Variants in CAV1 observed in about 807,000 individuals in gnomAD.
CAV1 encodes caveolin-1.
In CAV1, 10 loss-of-function variants were observed where a neutral mutation model predicts 16.5. The observed-to-expected ratio is 0.61, with a 90% confidence interval of 0.37 to 1.03. The LOEUF is 1.03. Ranked by LOEUF, CAV1 falls within the 50% of genes least tolerant of loss-of-function variation. The probability of loss-of-function intolerance (pLI) is 0.01; values close to 1 mark genes in which losing one functional copy is unlikely to be tolerated. For missense variants in CAV1, 212 were observed against 232.8 expected (o/e 0.91, Z 0.58); for synonymous variants, 76 against 85.1 (o/e 0.89, Z 0.59).
intron 1 of CAV1, chr7:116,525,878 T>C (rs903882493): frequency 1.0e-6 from 1 of 975,884 alleles, no homozygotes; most frequent in Non-Finnish European, 1.2e-6. Context: ...TTCGGGATTG[T>C]GATCATCACG....
intron 1 of CAV1, chr7:116,525,764 A>C: frequency 9.5e-7 from 1 of 1,054,956 alleles, no homozygotes; most frequent in Admixed American, 5.0e-5. Flanking sequence ...ACCCGCCCGC[A>C]GCCTGGGAGT....
intron 2 of CAV1, among the ~76,000 whole-genome samples, chr7:116,544,100 G>C (rs187772166): frequency 3.6e-4 from 55 of 152,166 alleles, no homozygotes; most frequent in African/African-American, 1.2e-3. Flanking sequence ...TCATCTCCAC[G>C]GGCAGAGCTA....
Position 116,526,895 on chromosome 7 carries a change from C to T in CAV1, c.195+206C>T, listed in dbSNP as rs1793576432. Reference sequence around the variant, plus strand: ...GTTACATCTCCCTTCCCCCATCTCCCCCCAATAGTTAGTTCAGCTGAAATT... The same window carrying T: ...GTTACATCTCCCTTCCCCCATCTCCTCCCAATAGTTAGTTCAGCTGAAATT... On this transcript the variant is annotated intron_variant, in intron 2 of 2. Coordinates refer to ENST00000341049, the MANE Select transcript of CAV1 (RefSeq NM_001753.5). 4.8e-6 allele frequency: 3 copies of T among 619,982 alleles called. No homozygotes were observed. In the Admixed American group the frequency reaches 7.5e-5, roughly 15 times the overall value. The allele number at this position is 619,982 out of a possible 1,614,324, so 38.4% of individuals were successfully genotyped here.
intron 2 of CAV1, among the ~76,000 whole-genome samples, chr7:116,546,364 G>T (rs188120086): frequency 6.6e-6 from 1 of 152,048 alleles, no homozygotes; most frequent in African/African-American, 2.4e-5. Flanking sequence ...TCTGCAGTGC[G>T]GTTTTAGATT....
intron 2 of CAV1, among the ~76,000 whole-genome samples, chr7:116,541,452 T>TA (rs1400821261): frequency 6.6e-6 from 1 of 152,088 alleles, no homozygotes; most frequent in African/African-American, 2.4e-5. Flanking sequence ...GCTTTTTATT[T>TA]AAAAAAGTGT....
intron 2 of CAV1, among the ~76,000 whole-genome samples, chr7:116,555,602 A>AAGAGAGAGAG (rs780499290): frequency 6.0e-5 from 5 of 83,766 alleles, no homozygotes; most frequent in African/African-American, 1.5e-4. Context: ...GAAAGAAAGA[A>AAGAGAGAGAG]AGAGAAAGAA....
intron 2 of CAV1, among the ~76,000 whole-genome samples, chr7:116,539,664 T>C (rs1177332691): frequency 6.6e-6 from 1 of 152,184 alleles, no homozygotes; most frequent in Non-Finnish European, 1.5e-5. Context: ...ATTTAGACTT[T>C]TTTTTTAAGT....
In CAV1 at chr7:116,559,485, A is replaced by G; in HGVS notation, c.*198A>G. On this transcript the variant is annotated 3_prime_UTR_variant, in exon 3 of 3. Transcript: ENST00000341049. ...ATTTCATCTATTTTTGGCAGTCTGA[A>G]TTTTTAAAACCCATTTAAATTTTTT... 3.3e-6 allele frequency: 2 copies of G among 606,880 alleles called. No homozygotes were observed. The highest frequency in any genetic ancestry group is 2.1e-5 in the South Asian group (1 of 48,348). The allele number at this position is 606,880 out of a possible 1,614,324, so 37.6% of individuals were successfully genotyped here. A position where few individuals can be genotyped will look rare whatever the true frequency, so the allele number is the denominator to read the frequency against.
At chr7:116,555,600 GAAAGAGAAAGAAAGAAA>G (rs1562838692) in intron 2 of CAV1, among the ~76,000 whole-genome samples, 3 of 82,140 alleles carry the variant, frequency 3.7e-5, no homozygotes, top group African/African-American at 5.0e-5. Context: ...AAGAAAGAAA[GAAAGAGAAAGAAAGAAA>G]GAAGGGAGGG....
At chr7:116,525,465 T>G in intron 1 of CAV1, 1 of 1,347,530 alleles carries the variant, frequency 7.4e-7, no homozygotes, top group Non-Finnish European at 9.7e-7. Context: ...AGAGGTGGAG[T>G]GCAGGGTGGA....
chr7:116,551,089 T>C (rs1202256426), intron 2 of CAV1, among the ~76,000 whole-genome samples: 1 of 152,172 alleles, frequency 6.6e-6, no homozygotes, highest in African/African-American at 2.4e-5. Flanking sequence ...CACTCTAGTC[T>C]TTTGCACGAG....
intron 2 of CAV1, among the ~76,000 whole-genome samples, chr7:116,536,577 A>T (rs1356032126): frequency 6.6e-6 from 1 of 152,230 alleles, no homozygotes; most frequent in Non-Finnish European, 1.5e-5. Context: ...TGTTCTGGGC[A>T]CCAGCAGTGG....
At chr7:116,526,304 G>A (rs1320481977) in intron 1 of CAV1, 3 of 1,388,744 alleles carry the variant, frequency 2.2e-6, no homozygotes, top group Non-Finnish European at 2.8e-6. Context: ...GAGTACAGAG[G>A]GGTGTGGTGT....
At chr7:116,535,848 C>T (rs1793801209) in intron 2 of CAV1, among the ~76,000 whole-genome samples, 1 of 152,150 alleles carries the variant, frequency 6.6e-6, no homozygotes, top group South Asian at 2.1e-4. Flanking sequence ...TTCCCTTTAA[C>T]CATCATTAGT....
At chr7:116,547,942 C>A (rs1794087418) in intron 2 of CAV1, among the ~76,000 whole-genome samples, 1 of 152,302 alleles carries the variant, frequency 6.6e-6, no homozygotes, top group East Asian at 1.9e-4. Flanking sequence ...AGATTCGAAC[C>A]CAGCCTCCAT....
In CAV1 at chr7:116,534,362, GATATATAT is replaced by G. The variant is rs1181031913; in HGVS notation, c.195+7700_195+7707del. Among the ~76,000 whole-genome samples the G allele has an allele frequency of 3.2e-3, 136 of 42,616 alleles. 1 individual carries two copies. The highest frequency in any genetic ancestry group is 9.3e-3 in the African/African-American group (123 of 13,284). 28.0% of individuals were successfully genotyped at this position (42,616 alleles called of 152,430 possible). A position where few individuals can be genotyped will look rare whatever the true frequency, so the allele number is the denominator to read the frequency against. On this transcript the variant is annotated intron_variant, in intron 2 of 2. Coordinates refer to ENST00000341049, the MANE Select transcript of CAV1 (RefSeq NM_001753.5). ...AATACAGATGCCTGGGCCCACCTCA[GATATATAT>G]ATATATATATATATATATATATATA...
intron 2 of CAV1, among the ~76,000 whole-genome samples, chr7:116,536,970 T>C (rs1181967680): frequency 8.3e-6 from 1 of 120,812 alleles, no homozygotes; most frequent in Non-Finnish European, 1.6e-5. Flanking sequence ...GCCATTGCAG[T>C]CCGCAGTCCG....
chr7:116,526,494 G>T (rs1314390873), intron 1 of CAV1, 31 bp from the exon 2 acceptor site: 2 of 1,612,976 alleles, frequency 1.2e-6, no homozygotes, highest in African/African-American at 2.7e-5. Context: ...CGCCCTCCCC[G>T]TCCTGGCCGT....
At chr7:116,558,451 C>A (rs1454766337) in intron 2 of CAV1, among the ~76,000 whole-genome samples, 1 of 151,990 alleles carries the variant, frequency 6.6e-6, no homozygotes, top group African/African-American at 2.4e-5. Flanking sequence ...AAGGGGAACC[C>A]AAATATCTGT....
Sources: allele counts gnomAD v4.1 joint callset (sites outside exome capture counted in the v4.1 genomes callset), GRCh38; gene constraint gnomAD v4.1.1; transcripts MANE v1.5; gene names NCBI Gene and HGNC (gene_info 2026-07-23, HGNC 2026-07-21).